Variants in CNTNAP2 observed in about 807,000 individuals in gnomAD.
CNTNAP2 encodes contactin-associated protein-like 2.
A neutral mutation model predicts 155.2 loss-of-function variants in CNTNAP2; 98 were observed. That is an observed-to-expected ratio of 0.63 (90% confidence interval 0.54 to 0.75). The LOEUF is 0.75. Among genes scored for constraint, CNTNAP2 ranks in the 30% least tolerant of loss-of-function variants. The pLI is 0.00. For missense variants in CNTNAP2, 1,727 were observed against 1,688.1 expected (o/e 1.02, Z -0.40); for synonymous variants, 651 against 631.2 (o/e 1.03, Z -0.47).
chr7:146,842,477 T>C (rs1332493855), intron 3 of CNTNAP2, among the ~76,000 whole-genome samples: 3 of 152,136 alleles, frequency 2.0e-5, no homozygotes, highest in Admixed American at 6.5e-5. Flanking sequence ...GAGACTATGT[T>C]AGTCTGTTCT....
At chr7:146,358,855 G>T (rs1795041431) in intron 1 of CNTNAP2, among the ~76,000 whole-genome samples, 1 of 152,186 alleles carries the variant, frequency 6.6e-6, no homozygotes, top group South Asian at 2.1e-4. Flanking sequence ...CTCCTTTGCT[G>T]GGTTATGAGG....
chr7:148,025,007 A>T (rs1359399251), intron 15 of CNTNAP2, among the ~76,000 whole-genome samples: 1 of 152,190 alleles, frequency 6.6e-6, no homozygotes, highest in Non-Finnish European at 1.5e-5. Flanking sequence ...TTAAAACAAA[A>T]ATGATACATC....
chr7:148,158,214 T>A (rs1024293850), intron 17 of CNTNAP2, among the ~76,000 whole-genome samples: 18 of 143,044 alleles, frequency 1.3e-4, no homozygotes, highest in Non-Finnish European at 2.4e-4. Context: ...ATAGGTACAA[T>A]GTTTGCGCTT....
At chr7:147,960,158 T>A (rs1801091612) in intron 14 of CNTNAP2, among the ~76,000 whole-genome samples, 1 of 152,082 alleles carries the variant, frequency 6.6e-6, no homozygotes, top group Admixed American at 6.6e-5. Context: ...TTTAGGCTCT[T>A]AAGTTGGAAT....
chr7:148,392,106 GCT>G (rs1387597007), intron 22 of CNTNAP2, among the ~76,000 whole-genome samples: 3 of 151,508 alleles, frequency 2.0e-5, no homozygotes, highest in Admixed American at 6.6e-5. Context: ...ATGGAGTCTC[GCT>G]CTGTCACTAG....
intron 16 of CNTNAP2, among the ~76,000 whole-genome samples, chr7:148,139,230 G>A (rs1265118389): frequency 6.6e-6 from 1 of 152,154 alleles, no homozygotes; most frequent in Non-Finnish European, 1.5e-5. Flanking sequence ...TCTTGCCAAT[G>A]TTCATTTTCA....
chr7:146,618,125 C>T (rs1799257235), intron 1 of CNTNAP2, among the ~76,000 whole-genome samples: 1 of 152,104 alleles, frequency 6.6e-6, no homozygotes, highest in South Asian at 2.1e-4. Flanking sequence ...ATTCACTGCT[C>T]AGCGTGGGGT....
chr7:147,185,654 A>G (rs1038127158), intron 8 of CNTNAP2, among the ~76,000 whole-genome samples: 1 of 152,216 alleles, frequency 6.6e-6, no homozygotes, highest in Non-Finnish European at 1.5e-5. Flanking sequence ...TCAGAATACT[A>G]GGAACACTAG....
chr7:147,008,607 T>C (rs1223687269), intron 3 of CNTNAP2, among the ~76,000 whole-genome samples: 1 of 152,160 alleles, frequency 6.6e-6, no homozygotes, highest in Non-Finnish European at 1.5e-5. Context: ...CACACGTAAG[T>C]ACGCCGTCAT....
intron 3 of CNTNAP2, among the ~76,000 whole-genome samples, chr7:146,899,707 T>A (rs1457802618): frequency 6.6e-6 from 1 of 152,034 alleles, no homozygotes; most frequent in Non-Finnish European, 1.5e-5. Flanking sequence ...GTCCTCAAAT[T>A]TTTCTCTGCC....
At chr7:146,973,362 A>C (rs548648172) in intron 3 of CNTNAP2, among the ~76,000 whole-genome samples, 1 of 152,300 alleles carries the variant, frequency 6.6e-6, no homozygotes, top group South Asian at 2.1e-4. Context: ...CAATAGATAC[A>C]CATGGTTTGT....
At chr7:147,612,255 T>C (rs1801201290) in intron 12 of CNTNAP2, among the ~76,000 whole-genome samples, 1 of 152,182 alleles carries the variant, frequency 6.6e-6, no homozygotes, top group African/African-American at 2.4e-5. Flanking sequence ...TTTGTTAGTT[T>C]CTTTTATAAA....
chr7:146,236,961 T>C (rs928026682), intron 1 of CNTNAP2, among the ~76,000 whole-genome samples: 1 of 152,190 alleles, frequency 6.6e-6, no homozygotes, highest in African/African-American at 2.4e-5. Context: ...GAGCTCAAGA[T>C]AGCATTTGAG....
intron 1 of CNTNAP2, among the ~76,000 whole-genome samples, chr7:146,566,072 C>T (rs576589924): frequency 6.6e-6 from 1 of 152,326 alleles, no homozygotes; most frequent in African/African-American, 2.4e-5. Flanking sequence ...GTGGGCCAGA[C>T]CCCCACCAGG....
intron 1 of CNTNAP2, among the ~76,000 whole-genome samples, chr7:146,626,129 C>T (rs1175665498): frequency 6.6e-6 from 1 of 152,028 alleles, no homozygotes; most frequent in Non-Finnish European, 1.5e-5. Context: ...ACACACAAAG[C>T]ACAAAACAAG....
chr7:147,565,008 C>T (rs936131008), intron 12 of CNTNAP2, among the ~76,000 whole-genome samples: 1 of 152,058 alleles, frequency 6.6e-6, no homozygotes, highest in Admixed American at 6.6e-5. Context: ...AGCATGATGC[C>T]ACAAAGCTTG....
chr7:146,953,980 G>A (rs1797379818), intron 3 of CNTNAP2, among the ~76,000 whole-genome samples: 1 of 151,880 alleles, frequency 6.6e-6, no homozygotes. Context: ...TTTGCTGATA[G>A]CTGTATATAA....
chr7:147,363,566 C>T (rs1796179381), intron 9 of CNTNAP2, among the ~76,000 whole-genome samples: 2 of 152,062 alleles, frequency 1.3e-5, no homozygotes, highest in African/African-American at 4.8e-5. Flanking sequence ...CTGATCATAC[C>T]TCAAATTCAT....
intron 20 of CNTNAP2, among the ~76,000 whole-genome samples, chr7:148,238,594 A>T (rs1796089173): frequency 6.6e-6 from 1 of 152,232 alleles, no homozygotes; most frequent in African/African-American, 2.4e-5. Context: ...ACTAAAAGCA[A>T]TGACTTTATA....
Sources: gnomAD v4.1 joint callset for allele counts (sites outside exome capture counted in the v4.1 genomes callset) on GRCh38, gnomAD v4.1.1 for gene constraint, MANE v1.5 for transcripts, NCBI Gene and HGNC (gene_info 2026-07-23, HGNC 2026-07-21) for gene names.